Variants in GBE1 observed in about 807,000 individuals in gnomAD.
The protein encoded by GBE1 is 1,4-alpha-glucan-branching enzyme.
A neutral mutation model predicts 88.8 loss-of-function variants in GBE1; 70 were observed. The observed-to-expected ratio is 0.79, with a 90% CI of 0.65 to 0.96. The LOEUF (loss-of-function observed/expected upper bound fraction) is 0.96. Ranked by LOEUF, GBE1 falls within the 40% of genes least tolerant of loss-of-function variation. The pLI is 0.00. For missense variants in GBE1, 872 were observed against 871.0 expected (o/e 1.00, Z -0.01); for synonymous variants, 284 against 300.1 (o/e 0.95, Z 0.56).
chr3:81,652,714 C>T (rs557629404), intron 3 of GBE1, among the ~76,000 whole-genome samples: 1 of 152,158 alleles, frequency 6.6e-6, no homozygotes, highest in African/African-American at 2.4e-5. Context: ...AGCTGTCTCA[C>T]CTTGCTTTTC....
At chr3:81,572,909 A>G (rs115074483) in intron 12 of GBE1, among the ~76,000 whole-genome samples, 3,159 of 152,264 alleles carry the variant, frequency 0.021, 61 homozygotes, top group Non-Finnish European at 0.034. Context: ...ATAAGGCCAT[A>G]TGACTCTACT....
At chr3:81,565,895 T>A (rs1703488496) in intron 12 of GBE1, among the ~76,000 whole-genome samples, 1 of 152,222 alleles carries the variant, frequency 6.6e-6, no homozygotes. Flanking sequence ...ACATTTTGTA[T>A]ATATTTGTAT....
rs188542276 is a variant in GBE1, at chr3:81,638,259, T to C, written c.992+4522A>G. ...TTACCATATTATGAACTCAAGCTGA[T>C]GAAATATAACTATATTAATTTTGTG... On this transcript the variant is annotated intron_variant, in intron 7 of 15. Transcript: ENST00000429644. Among the ~76,000 whole-genome samples, 6 of 152,268 alleles carry C rather than the reference T, an allele frequency of 3.9e-5. No homozygotes were observed. The East Asian group carries it at 5.8e-4, about 15-fold the overall frequency.
At chr3:81,567,725 CTCTT>C (rs532046491) in intron 12 of GBE1, among the ~76,000 whole-genome samples, 363 of 152,132 alleles carry the variant, frequency 2.4e-3, no homozygotes, top group Non-Finnish European at 4.0e-3. Context: ...CTCTTTTTGC[CTCTT>C]TCTATCTCCA....
At chr3:81,625,105 G>T (rs1175445055) in intron 7 of GBE1, among the ~76,000 whole-genome samples, 1 of 147,510 alleles carries the variant, frequency 6.8e-6, no homozygotes, top group Non-Finnish European at 1.5e-5. Flanking sequence ...GGGGGAGGGG[G>T]AGGGGGAGGG....
At position 81,761,530 on chromosome 3, in the gene GBE1, T is replaced by G. The variant is rs1706690634; in HGVS notation, c.-13A>C. ...TCGGAGCCGCCATATTCCGCCGCAG[T>G]CCAAGTAGCCGAGGCCCGAGAGGTC... On this transcript the variant is annotated 5_prime_UTR_variant, in exon 1 of 16. Transcript: ENST00000429644. The G allele has an allele frequency of 1.9e-6, 3 of 1,583,838 alleles. No individual in the cohort carries two copies. Among genetic ancestry groups the G allele is most frequent in the South Asian group, 2.2e-5 (2 of 89,456 alleles).
intron 7 of GBE1, among the ~76,000 whole-genome samples, chr3:81,605,028 T>C (rs1055397658): frequency 3.9e-5 from 6 of 152,110 alleles, no homozygotes; most frequent in Admixed American, 6.6e-5. Context: ...GGCCAGCCTC[T>C]AGTGAGAGTA....
intron 12 of GBE1, among the ~76,000 whole-genome samples, chr3:81,542,202 A>G (rs1190333904): frequency 1.3e-5 from 2 of 152,126 alleles, no homozygotes; most frequent in African/African-American, 2.4e-5. Context: ...TTGCATATCA[A>G]TAGGTATGCA....
intron 12 of GBE1, among the ~76,000 whole-genome samples, chr3:81,552,683 C>T (rs939523791): frequency 2.6e-5 from 4 of 151,806 alleles, no homozygotes; most frequent in African/African-American, 9.7e-5. Context: ...ATTTGAAATG[C>T]TAAAGACTTA....
chr3:81,502,691 T>A (rs1295656394), intron 14 of GBE1, among the ~76,000 whole-genome samples: 1 of 152,198 alleles, frequency 6.6e-6, no homozygotes. Context: ...AGCAACTGAT[T>A]TGTTTGTTTT....
At chr3:81,524,477 C>T (rs1487619159) in intron 14 of GBE1, among the ~76,000 whole-genome samples, 2 of 151,804 alleles carry the variant, frequency 1.3e-5, no homozygotes, top group Non-Finnish European at 2.9e-5. Context: ...AGCTTTTTAA[C>T]TTGCTCTCAT....
chr3:81,726,611 CTCTG>C (rs375985634), intron 1 of GBE1, among the ~76,000 whole-genome samples: 23 of 141,066 alleles, frequency 1.6e-4, no homozygotes, highest in South Asian at 4.4e-4. Flanking sequence ...GAGATGGAGT[CTCTG>C]TCTGTCTTCA....
chr3:81,535,790 A>G (rs1441469229), intron 13 of GBE1, among the ~76,000 whole-genome samples: 1 of 152,068 alleles, frequency 6.6e-6, no homozygotes, highest in Non-Finnish European at 1.5e-5. Context: ...AACATTTTAC[A>G]TTTTTACCCA....
chr3:81,581,954 A>T (rs1238488061), intron 10 of GBE1, among the ~76,000 whole-genome samples: 1 of 151,954 alleles, frequency 6.6e-6, no homozygotes, highest in African/African-American at 2.4e-5. Flanking sequence ...GACACTGCTG[A>T]TCCTATCTCC....
chr3:81,528,657 C>T (rs1466215397), intron 14 of GBE1, among the ~76,000 whole-genome samples: 2 of 151,988 alleles, frequency 1.3e-5, no homozygotes, highest in African/African-American at 4.8e-5. Flanking sequence ...TATATGGATG[C>T]TCCAGTGTGG....
At chr3:81,723,665 G>T (rs1025435704) in intron 1 of GBE1, among the ~76,000 whole-genome samples, 1 of 151,850 alleles carries the variant, frequency 6.6e-6, no homozygotes, top group African/African-American at 2.4e-5. Context: ...TCACAACCAC[G>T]CTCACAAACA....
At chr3:81,718,495 C>A (rs569769340) in intron 1 of GBE1, among the ~76,000 whole-genome samples, 1 of 152,248 alleles carries the variant, frequency 6.6e-6, no homozygotes, top group South Asian at 2.1e-4. Context: ...GATGAGAAAA[C>A]TGAAGAGGTT....
At chr3:81,598,412 T>C (rs1293696901) in intron 7 of GBE1, among the ~76,000 whole-genome samples, 1 of 145,876 alleles carries the variant, frequency 6.9e-6, no homozygotes, top group Non-Finnish European at 1.5e-5. Context: ...GCCAAAAAAG[T>C]CTTAAATTAT....
chr3:81,591,311 G>A (rs903180529), intron 8 of GBE1, 147 bp from the exon 9 acceptor site: 4 of 524,456 alleles, frequency 7.6e-6, no homozygotes, highest in African/African-American at 2.0e-5. Flanking sequence ...TACTGACTTA[G>A]AAAAGTACTA....
Sources: gnomAD v4.1 joint callset for allele counts (sites outside exome capture counted in the v4.1 genomes callset) on GRCh38, gnomAD v4.1.1 for gene constraint, MANE v1.5 for transcripts, NCBI Gene and HGNC (gene_info 2026-07-23, HGNC 2026-07-21) for gene names.